The following CDYL variants were observed in gnomAD, a reference collection of about 807,000 sequenced individuals.
The protein encoded by CDYL is chromodomain Y like.
In CDYL, 8 loss-of-function variants were observed where a neutral mutation model predicts 47.3. The ratio of observed to expected loss-of-function variants is 0.17; its 90% CI spans 0.10 to 0.31. CDYL has a LOEUF of 0.31. Ranked by LOEUF, CDYL falls within the 10% of genes least tolerant of loss-of-function variation. The pLI is 1.00. For synonymous variants in CDYL, 266 were observed against 265.0 expected, an observed-to-expected ratio of 1.00 and a Z score of -0.04; for missense variants, 471 against 701.4, an observed-to-expected ratio of 0.67 and a Z score of 3.71.
intron 2 of CDYL, among the ~76,000 whole-genome samples, chr6:4,926,461 C>A (rs1244625976): frequency 6.6e-6 from 1 of 150,684 alleles, no homozygotes; most frequent in South Asian, 2.1e-4. Flanking sequence ...TTTTTGAACT[C>A]TTTTTGCAGT....
rs1208725936 is a variant in CDYL at position 4,892,012 on chromosome 6, A to G, written c.324A>G (p.Lys108=). 6.2e-7 allele frequency: 1 copy of G among 1,614,166 alleles called. No homozygotes were observed. The change falls in exon 2 of 7, where the codon AAA becomes AAG. Residue 108 remains lysine (K), a synonymous_variant. Transcript: ENST00000397588. ...TGATTGGGAAAGACCACGAATCCAA[A>G]AACAGCCAGCTGTTTGCTGCCAGCC... The part of the protein sequence containing the change: ...ALVIGKDHES[K]NSQLFAASQK...
chr6:4,831,399 C>T (rs1256378288), intron 1 of CDYL, among the ~76,000 whole-genome samples: 2 of 152,112 alleles, frequency 1.3e-5, no homozygotes, highest in African/African-American at 4.8e-5. Flanking sequence ...AGATATGCGG[C>T]ATTATTTCTG....
chr6:4,842,044 ATATT>A (rs1386495869), intron 1 of CDYL, among the ~76,000 whole-genome samples: 10 of 144,774 alleles, frequency 6.9e-5, no homozygotes, highest in Admixed American at 6.3e-4. Context: ...TAATTTATAT[ATATT>A]ATATTAATAT....
At position 4,849,528 on chromosome 6, in the gene CDYL, G is replaced by A. The variant is rs556172513; in HGVS notation, c.25-42185G>A. ...CAATCTTAAGTCTTTTGTATGTTAT[G>A]TTGCTAAGTTATTTGGGGGAAAGTG... On this transcript the variant is annotated intron_variant, in intron 1 of 6. Transcript: ENST00000397588. 3.9e-5 allele frequency among the ~76,000 whole-genome samples: 6 copies of A among 152,178 alleles called. No individual in the cohort carries two copies. The South Asian group carries it at 1.2e-3, about 32-fold the overall frequency.
At chr6:4,874,045 C>T (rs547573250) in intron 1 of CDYL, among the ~76,000 whole-genome samples, 79 of 152,310 alleles carry the variant, frequency 5.2e-4, no homozygotes, top group African/African-American at 1.4e-3. Context: ...TGGTGCTCAT[C>T]GTTCAGTTGC....
At chr6:4,785,513 C>T (rs1460696832) in intron 1 of CDYL, among the ~76,000 whole-genome samples, 1 of 152,190 alleles carries the variant, frequency 6.6e-6, no homozygotes, top group African/African-American at 2.4e-5. Flanking sequence ...ATCCGTTTTT[C>T]ACTTGTACCC....
At chr6:4,727,638 A>C (rs907682742) in intron 2 of CDYL, among the ~76,000 whole-genome samples, 1 of 125,562 alleles carries the variant, frequency 8.0e-6, no homozygotes, top group African/African-American at 3.2e-5. Context: ...AACTACCTCT[A>C]TTTGATGCTG....
chr6:4,943,503 T>A (rs754998242), intron 4 of CDYL, 43 bp from the exon 5 acceptor site: 14 of 1,338,192 alleles, frequency 1.0e-5, no homozygotes, highest in Admixed American at 1.8e-5. Flanking sequence ...TTTGCTCAAA[T>A]ATGCAATGTT....
intron 2 of CDYL, among the ~76,000 whole-genome samples, chr6:4,912,456 G>A (rs185171808): frequency 3.3e-5 from 5 of 152,238 alleles, no homozygotes; most frequent in African/African-American, 9.6e-5. Flanking sequence ...GTAGCAAGGC[G>A]CACTTACAGT....
At chr6:4,734,634 T>C (rs62384814) in intron 2 of CDYL, 321,817 of 1,281,506 alleles carry the variant, frequency 0.25, 42,620 homozygotes, top group Admixed American at 0.32. Context: ...TATGTTCAGT[T>C]AGACTCCTAA....
intron 2 of CDYL, chr6:4,724,664 C>G (rs1757460077): frequency 6.6e-6 from 1 of 152,232 alleles, no homozygotes; most frequent in African/African-American, 2.4e-5. Context: ...CAGACCTTCG[C>G]AGTGAGTGTT....
chr6:4,807,591 C>CTTTTT (rs70974139), intron 1 of CDYL, among the ~76,000 whole-genome samples: 2 of 42,942 alleles, frequency 4.7e-5, no homozygotes, highest in Non-Finnish European at 8.1e-5. Context: ...TCATTCATGT[C>CTTTTT]TTTTTTTTTT....
chr6:4,944,271 T>G (rs1199180228), intron 5 of CDYL, among the ~76,000 whole-genome samples: 1 of 152,132 alleles, frequency 6.6e-6, no homozygotes, highest in East Asian at 1.9e-4. Flanking sequence ...GGAGGTGGTG[T>G]CACAGGTCAG....
chr6:4,827,169 C>T lies in CDYL; in HGVS notation c.24+50362C>T, dbSNP rs11966583. On this transcript the variant is annotated intron_variant, in intron 1 of 6. Transcript: ENST00000397588. ...ATTTAATATATTTTTTACTACTTTC[C>T]CTTTCAACCTTTTTGTTTTTGAATC... Among the ~76,000 whole-genome samples the T allele has an allele frequency of 5.2e-3, 788 of 152,206 alleles. 6 individuals are homozygous for T. The highest frequency in any genetic ancestry group is 0.018 in the African/African-American group (755 of 41,526).
At chr6:4,864,563 A>G (rs1761265900) in intron 1 of CDYL, among the ~76,000 whole-genome samples, 1 of 152,164 alleles carries the variant, frequency 6.6e-6, no homozygotes, top group African/African-American at 2.4e-5. Context: ...ATCTCCCAGA[A>G]TTCCTACGTG....
At position 4,857,828 on chromosome 6, in the gene CDYL, G is replaced by A. The variant is rs543932170; in HGVS notation, c.25-33885G>A. Among the ~76,000 whole-genome samples, 4 of 152,316 alleles carry A rather than the reference G, an allele frequency of 2.6e-5. No homozygotes were observed. In the East Asian group the frequency reaches 7.7e-4, roughly 29 times the overall value. ...CTTTACAGGGAATTATCTGATGATT[G>A]CTGTGTTCCTTGAACCCTTGCTGAA... On this transcript the variant is annotated intron_variant, in intron 1 of 6. Transcript: ENST00000397588.
chr6:4,895,282 T>C (rs62646180), intron 2 of CDYL, among the ~76,000 whole-genome samples: 148 of 10,406 alleles, frequency 0.014, 7 homozygotes, highest in Non-Finnish European at 0.056. Flanking sequence ...TGTATATATG[T>C]GCATATATGC....
At chr6:4,860,864 T>A (rs1761149760) in intron 1 of CDYL, among the ~76,000 whole-genome samples, 1 of 152,066 alleles carries the variant, frequency 6.6e-6, no homozygotes, top group African/African-American at 2.4e-5. Flanking sequence ...TTTCTGCCAC[T>A]TTATATTCAC....
chr6:4,819,848 A>G (rs1180099436), intron 1 of CDYL, among the ~76,000 whole-genome samples: 1 of 151,484 alleles, frequency 6.6e-6, no homozygotes, highest in African/African-American at 2.5e-5. Context: ...ACATCCTGCC[A>G]TGCATAGGAT....
Sources: allele counts gnomAD v4.1 joint callset (sites outside exome capture counted in the v4.1 genomes callset), GRCh38; gene constraint gnomAD v4.1.1; transcripts MANE v1.5; gene names NCBI Gene and HGNC (gene_info 2026-07-23, HGNC 2026-07-21).